The following ZNF892 variants were observed in gnomAD, a reference collection of about 807,000 sequenced individuals.
The protein encoded by ZNF892 is zinc finger protein 570-like.
the ZNF892 span, among the ~76,000 whole-genome samples, chr2:95,241,970 A>T: frequency 6.6e-6 from 1 of 152,302 alleles, no homozygotes; most frequent in African/African-American, 2.4e-5. Context: ...AAAGGAATGA[A>T]CAAAACCTCT....
the ZNF892 span, among the ~76,000 whole-genome samples, chr2:95,258,112 C>T: frequency 6.6e-6 from 1 of 152,194 alleles, no homozygotes. Context: ...TGAGATGAAC[C>T]TGGTACCTCA....
At chr2:95,258,324 C>G in the ZNF892 span, among the ~76,000 whole-genome samples, 2 of 152,206 alleles carry the variant, frequency 1.3e-5, no homozygotes, top group Non-Finnish European at 2.9e-5. Flanking sequence ...GTCCCTGCTA[C>G]TGTTGTCCAG....
the ZNF892 span, among the ~76,000 whole-genome samples, chr2:95,251,021 A>G: frequency 6.7e-6 from 1 of 149,892 alleles, no homozygotes; most frequent in Non-Finnish European, 1.5e-5. Flanking sequence ...TTTATTATTT[A>G]TGTAATAAAT....
At chr2:95,253,935 C>G in the ZNF892 span, among the ~76,000 whole-genome samples, 3 of 152,116 alleles carry the variant, frequency 2.0e-5, no homozygotes, top group Non-Finnish European at 4.4e-5. Context: ...GATTTTGTAT[C>G]CTGAGACTTT....
chr2:95,214,851 G>A, the ZNF892 span: 2 of 503,714 alleles, frequency 4.0e-6, no homozygotes, highest in Middle Eastern at 2.9e-4. Context: ...AATTCATACT[G>A]GGGAGAAACC....
chr2:95,256,131 T>C, the ZNF892 span, among the ~76,000 whole-genome samples: 1 of 152,242 alleles, frequency 6.6e-6, no homozygotes, highest in African/African-American at 2.4e-5. Flanking sequence ...TAGCTGGTTA[T>C]TTTGCTCATT....
the ZNF892 span, among the ~76,000 whole-genome samples, chr2:95,234,839 T>G: frequency 6.6e-6 from 1 of 152,216 alleles, no homozygotes; most frequent in Non-Finnish European, 1.5e-5. Flanking sequence ...TCTTTGGGTT[T>G]TATTATCGTA....
the ZNF892 span, among the ~76,000 whole-genome samples, chr2:95,245,450 C>CGGGGG: frequency 3.4e-4 from 4 of 11,684 alleles, no homozygotes; most frequent in African/African-American, 1.2e-3. Context: ...GTAGAGACGG[C>CGGGGG]GGGGGGGGGG....
chr2:95,226,258 T>C, the ZNF892 span, among the ~76,000 whole-genome samples: 1 of 152,362 alleles, frequency 6.6e-6, no homozygotes, highest in South Asian at 2.1e-4. Flanking sequence ...TAATTTTATT[T>C]CTTCCTTTCC....
At chr2:95,236,176 T>G in the ZNF892 span, among the ~76,000 whole-genome samples, 1 of 152,204 alleles carries the variant, frequency 6.6e-6, no homozygotes, top group South Asian at 2.1e-4. Flanking sequence ...CTTGGCAATA[T>G]AGTTAATGTT....
At chr2:95,244,858 T>G in the ZNF892 span, among the ~76,000 whole-genome samples, 4 of 152,126 alleles carry the variant, frequency 2.6e-5, no homozygotes, top group African/African-American at 9.7e-5. Context: ...CACAGCACAA[T>G]CAAATTAGAA....
At chr2:95,247,170 A>G in the ZNF892 span, among the ~76,000 whole-genome samples, 1 of 152,200 alleles carries the variant, frequency 6.6e-6, no homozygotes, top group Non-Finnish European at 1.5e-5. Flanking sequence ...ACATAGACCA[A>G]TGGAACAGAA....
the ZNF892 span, among the ~76,000 whole-genome samples, chr2:95,260,727 G>A: frequency 6.6e-6 from 1 of 152,208 alleles, no homozygotes; most frequent in Non-Finnish European, 1.5e-5. Flanking sequence ...CAGGCAAACT[G>A]CTGCCTCTGC....
the ZNF892 span, among the ~76,000 whole-genome samples, chr2:95,210,117 A>G: frequency 1.3e-5 from 2 of 150,180 alleles, no homozygotes; most frequent in South Asian, 4.2e-4. Context: ...GTGTGTATAT[A>G]TGTGTGTATA....
At chr2:95,253,577 G>C in the ZNF892 span, among the ~76,000 whole-genome samples, 10 of 152,016 alleles carry the variant, frequency 6.6e-5, no homozygotes, top group Non-Finnish European at 1.3e-4. Context: ...GCTCTTTTTT[G>C]GTTCCATATG....
At chr2:95,263,244 C>G in the ZNF892 span, among the ~76,000 whole-genome samples, 1 of 152,192 alleles carries the variant, frequency 6.6e-6, no homozygotes. Flanking sequence ...GGCCTCAGTC[C>G]TACAGCTACA....
At chr2:95,213,456 CT>C in the ZNF892 span, among the ~76,000 whole-genome samples, 1 of 152,140 alleles carries the variant, frequency 6.6e-6, no homozygotes, top group Admixed American at 6.5e-5. Context: ...AGCAATGAAG[CT>C]TTTCCCCCTC....
the ZNF892 span, among the ~76,000 whole-genome samples, chr2:95,245,455 G>GGT: frequency 9.5e-6 from 1 of 105,366 alleles, no homozygotes; most frequent in African/African-American, 4.1e-5. Flanking sequence ...GACGGCGGGG[G>GGT]GGGGGGGGTT....
the ZNF892 span, among the ~76,000 whole-genome samples, chr2:95,213,765 C>G: frequency 6.6e-6 from 1 of 152,142 alleles, no homozygotes; most frequent in African/African-American, 2.4e-5. Context: ...TGTGTCTTAT[C>G]TTGAGACAGT....
Sources: gnomAD v4.1 joint callset for allele counts (sites outside exome capture counted in the v4.1 genomes callset) on GRCh38, gnomAD v4.1.1 for gene constraint, MANE v1.5 for transcripts, NCBI Gene and HGNC (gene_info 2026-07-23, HGNC 2026-07-21) for gene names.